The following UBAP2 variants were observed in gnomAD, a reference collection of about 807,000 sequenced individuals.
UBAP2 encodes ubiquitin-associated protein 2.
UBAP2 carries 75 observed loss-of-function variants against 139.6 expected under a neutral mutation model. The observed-to-expected ratio is 0.54, with a 90% CI of 0.45 to 0.65. UBAP2 has a LOEUF of 0.65. Among genes scored for constraint, UBAP2 ranks in the 30% least tolerant of loss-of-function variants. UBAP2 has a pLI of 0.00. For missense variants in UBAP2, 1,368 were observed against 1,369.6 expected, an observed-to-expected ratio of 1.00 and a Z score of 0.02; for synonymous variants, 526 against 526.2, an observed-to-expected ratio of 1.00 and a Z score of 0.01.
chr9:34,039,294 C>G (rs1163369215), intron 1 of UBAP2, among the ~76,000 whole-genome samples: 2 of 152,030 alleles, frequency 1.3e-5, no homozygotes, highest in Non-Finnish European at 2.9e-5. Context: ...CTCTGCCCGG[C>G]CACCCCTTCT....
chr9:33,956,459 C>T (rs1587559612), intron 10 of UBAP2, among the ~76,000 whole-genome samples: 1 of 151,896 alleles, frequency 6.6e-6, no homozygotes, highest in East Asian at 1.9e-4. Flanking sequence ...GCTGGGCCTC[C>T]AGGCACGCAC....
chr9:34,044,013 C>A (rs1369855391), intron 1 of UBAP2, among the ~76,000 whole-genome samples: 2 of 148,982 alleles, frequency 1.3e-5, no homozygotes, highest in Non-Finnish European at 3.0e-5. Context: ...ATCGCTTGAA[C>A]CCAGTAGGCG....
intron 9 of UBAP2, among the ~76,000 whole-genome samples, chr9:33,963,192 A>C (rs1055674071): frequency 6.6e-6 from 1 of 152,166 alleles, no homozygotes; most frequent in Non-Finnish European, 1.5e-5. Context: ...AACATGATAG[A>C]GTGGTAAGTC....
chr9:33,978,386 T>A (rs905469326), intron 6 of UBAP2, among the ~76,000 whole-genome samples: 6 of 151,682 alleles, frequency 4.0e-5, no homozygotes, highest in African/African-American at 9.7e-5. Flanking sequence ...AAAAAAAAAA[T>A]TTTTAAGTAG....
chr9:34,042,877 GC>G (rs1827221312), intron 1 of UBAP2, among the ~76,000 whole-genome samples: 1 of 151,722 alleles, frequency 6.6e-6, no homozygotes, highest in Non-Finnish European at 1.5e-5. Flanking sequence ...TAAGAGACCA[GC>G]CTGGGCAACA....
At chr9:33,924,420 G>T in intron 22 of UBAP2, 136 bp from the exon 23 acceptor site, 1 of 836,306 alleles carries the variant, frequency 1.2e-6, no homozygotes, top group East Asian at 2.6e-5. Flanking sequence ...CCCAGGGAAC[G>T]CCAAGTAAAT....
At chr9:34,037,372 T>C (rs1390495332) in intron 1 of UBAP2, among the ~76,000 whole-genome samples, 1 of 152,198 alleles carries the variant, frequency 6.6e-6, no homozygotes, top group Non-Finnish European at 1.5e-5. Flanking sequence ...TGACCTCAAG[T>C]GATCCACTTG....
intron 1 of UBAP2, among the ~76,000 whole-genome samples, chr9:34,030,808 T>TA (rs1825826838): frequency 6.6e-6 from 1 of 151,684 alleles, no homozygotes; most frequent in Non-Finnish European, 1.5e-5. Context: ...CAGGCGCCTG[T>TA]AGTCCCAACA....
intron 1 of UBAP2, among the ~76,000 whole-genome samples, chr9:34,021,655 A>AC (rs1824952963): frequency 7.3e-6 from 1 of 136,186 alleles, no homozygotes; most frequent in African/African-American, 2.8e-5. Flanking sequence ...TTTTTTTGAG[A>AC]CGGAGGCTCG....
intron 5 of UBAP2, among the ~76,000 whole-genome samples, chr9:33,988,614 T>C (rs1375049499): frequency 6.6e-6 from 1 of 152,212 alleles, no homozygotes; most frequent in African/African-American, 2.4e-5. Flanking sequence ...CACACCATTC[T>C]AAAATTAACA....
chr9:33,935,399 GATT>G (rs1824404894), intron 17 of UBAP2: 1 of 160,828 alleles, frequency 6.2e-6, no homozygotes, highest in African/African-American at 2.4e-5. Flanking sequence ...AAGTAGCTGG[GATT>G]ACAGGCACGC....
intron 5 of UBAP2, among the ~76,000 whole-genome samples, chr9:33,988,632 C>A (rs1753255996): frequency 6.6e-6 from 1 of 152,194 alleles, no homozygotes; most frequent in Admixed American, 6.5e-5. Context: ...ACAAATGTGT[C>A]TGACTCATAA....
intron 13 of UBAP2, among the ~76,000 whole-genome samples, chr9:33,946,516 T>C (rs1373080640): frequency 6.6e-6 from 1 of 152,196 alleles, no homozygotes; most frequent in Non-Finnish European, 1.5e-5. Flanking sequence ...TTCTACCATA[T>C]GGGACAGAGG....
At chr9:33,940,087 A>G (rs529282335) in intron 16 of UBAP2, among the ~76,000 whole-genome samples, 3 of 151,826 alleles carry the variant, frequency 2.0e-5, no homozygotes, top group Admixed American at 2.0e-4. Context: ...AAAGAAGAAA[A>G]AAAGGAGGAG....
At chr9:34,047,895 G>A (rs1423385022) in intron 1 of UBAP2, among the ~76,000 whole-genome samples, 1 of 152,164 alleles carries the variant, frequency 6.6e-6, no homozygotes, top group East Asian at 1.9e-4. Flanking sequence ...CTAAATACTG[G>A]CAAACCATAT....
chr9:33,924,161 G>A (rs576855599), intron 23 of UBAP2, 45 bp downstream of exon 23: 16 of 1,607,786 alleles, frequency 1.0e-5, no homozygotes, highest in South Asian at 3.3e-5. Flanking sequence ...TGGAGTTCGC[G>A]CTAGGCCGGC....
chr9:34,039,111 C>T (rs1298592650), intron 1 of UBAP2, among the ~76,000 whole-genome samples: 20 of 151,266 alleles, frequency 1.3e-4, no homozygotes, highest in African/African-American at 4.6e-4. Context: ...AAGTGAGGAG[C>T]GTCTCCGCCC....
Position 34,003,880 on chromosome 9 carries a change from C to T in UBAP2, c.100-5016G>A, listed in dbSNP as rs138241999. Among the ~76,000 whole-genome samples the T allele has an allele frequency of 1.6e-3, 244 of 151,972 alleles. 3 individuals carry two copies. The highest frequency in any genetic ancestry group is 5.8e-4 in the African/African-American group (24 of 41,446). ...GATTACAGGCACATGCCACAATGCC[C>T]GGCTAATTTTTGTATTTTTAGTAGA... On this transcript the variant is annotated intron_variant, in intron 2 of 28. Transcript: ENST00000379238.
chr9:33,989,035 T>G lies in UBAP2; in HGVS notation c.380A>C (p.Glu127Ala). ...GTTGTTTCCACGTCCACGACTCGAT[T>G]CTTTCTCGCTTTTCTTCTCTCTATT... Reference protein sequence around the residue: ...KENREKKSEKESSRGRGNNNR... With the variant: ...KENREKKSEKASSRGRGNNNR... Residue 127 changes from glutamate (E) to alanine (A), a missense_variant, in exon 5 of 29, where the codon GAA becomes GCA. Physicochemically the swap from Glu to Ala is moderately radical, Grantham distance 107. Transcript: ENST00000379238. 2.5e-6 allele frequency: 4 copies of G among 1,614,046 alleles called. No homozygotes were observed. The highest frequency in any genetic ancestry group is 3.4e-6 in the Non-Finnish European group (4 of 1,179,988).
Sources: allele counts gnomAD v4.1 joint callset (sites outside exome capture counted in the v4.1 genomes callset), GRCh38; gene constraint gnomAD v4.1.1; transcripts MANE v1.5; gene names NCBI Gene and HGNC (gene_info 2026-07-23, HGNC 2026-07-21).